Variants in PIEZO2 observed in about 807,000 individuals in gnomAD.
The protein encoded by PIEZO2 is piezo-type mechanosensitive ion channel component 2.
PIEZO2 carries 172 observed loss-of-function variants against 337.3 expected under a neutral mutation model. The observed-to-expected ratio is 0.51, with a 90% confidence interval of 0.45 to 0.58. The LOEUF (loss-of-function observed/expected upper bound fraction) is 0.58. PIEZO2 is among the 20% of genes least tolerant of loss of function. PIEZO2 has a pLI of 0.00. For synonymous variants in PIEZO2, 1,251 were observed against 1,228.5 expected, an observed-to-expected ratio of 1.02 and a Z score of -0.38; for missense variants, 3,028 against 3,391.3, an observed-to-expected ratio of 0.89 and a Z score of 2.66.
rs2031958191 is a variant in PIEZO2, at chr18:10,929,555, T to C, written c.287-18327A>G. Among the ~76,000 whole-genome samples, 1 of 152,162 alleles carries C rather than the reference T, an allele frequency of 6.6e-6. No individual in the cohort carries two copies. Among genetic ancestry groups the C allele is most frequent in the South Asian group, 2.1e-4 (1 of 4,828 alleles). On this transcript the variant is annotated intron_variant, in intron 3 of 55. Transcript: ENST00000674853. This position sits in a 1 kb window ranked among gnomAD's most constrained non-coding sequence, Gnocchi z 5.6. Reference sequence around the variant, plus strand: ...TTCAAAAAAGGAGTAGAAAATCACATCCACAGCCTTTGAGGGGCTGAGAAG... The same window carrying C: ...TTCAAAAAAGGAGTAGAAAATCACACCCACAGCCTTTGAGGGGCTGAGAAG...
In PIEZO2 at chr18:10,833,624, C is replaced by A. The variant is rs768607632; in HGVS notation, c.917+21729G>T. Reference sequence around the variant, plus strand: ...CTGTGAGGACCTCACCTCGCAGAGGCTTCCAGAGCCAAGTACAGTTCCAAT... The same window carrying A: ...CTGTGAGGACCTCACCTCGCAGAGGATTCCAGAGCCAAGTACAGTTCCAAT... On this transcript the variant is annotated intron_variant, in intron 7 of 55. Transcript: ENST00000674853. The surrounding 1 kb of genome is among the most constrained non-coding windows in gnomAD (Gnocchi z 4.7). Among the ~76,000 whole-genome samples the A allele has an allele frequency of 1.1e-4, 16 of 152,238 alleles. No homozygotes were observed. The highest frequency in any genetic ancestry group is 2.2e-4 in the Non-Finnish European group (15 of 68,040).
chr18:10,959,414 G>A (rs1461307125), intron 3 of PIEZO2, among the ~76,000 whole-genome samples: 2 of 152,120 alleles, frequency 1.3e-5, no homozygotes, highest in African/African-American at 4.8e-5. Flanking sequence ...TTTGAATGGA[G>A]AGAAATGTCA....
Position 10,746,872 on chromosome 18 carries a change from C to T in PIEZO2, c.4424+1599G>A, listed in dbSNP as rs2037444373. ...AATTGAGTGTATACTGTTTATAGAC[C>T]ACCTACTTTATGGTATTTTTGTTAT... On this transcript the variant is annotated intron_variant, in intron 30 of 55. Transcript: ENST00000674853. The surrounding 1 kb of genome is among the most constrained non-coding windows in gnomAD (Gnocchi z 4.2). Among the ~76,000 whole-genome samples the T allele has an allele frequency of 6.6e-6, 1 of 152,116 alleles. No homozygotes were observed. Among genetic ancestry groups the T allele is most frequent in the African/African-American group, 2.4e-5 (1 of 41,422 alleles).
In PIEZO2 at chr18:10,708,941, G is replaced by T. The variant is rs572287932; in HGVS notation, c.5424-502C>A. Among the ~76,000 whole-genome samples the T allele has an allele frequency of 2.7e-3, 415 of 152,146 alleles. 2 individuals are homozygous for T. Among genetic ancestry groups the T allele is most frequent in the Non-Finnish European group, 3.2e-3 (219 of 68,018 alleles). ...AACACGGTCTTCAGAATTAGAGAGG[G>T]GAAACTCAGGAATGACAACAAACTG... On this transcript the variant is annotated intron_variant, in intron 39 of 55. Transcript: ENST00000674853.
chr18:10,861,820 C>A lies in PIEZO2; in HGVS notation c.493-4609G>T, dbSNP rs572921776. On this transcript the variant is annotated intron_variant, in intron 5 of 55. Transcript: ENST00000674853. The surrounding 1 kb of genome is among the most constrained non-coding windows in gnomAD (Gnocchi z 4.3). ...ATCACCTGAGGTCAGGAGATCGAGA[C>A]CTGCCTGGACAACATGGTGAAACCT... Among the ~76,000 whole-genome samples the A allele has an allele frequency of 9.2e-5, 14 of 152,260 alleles. No homozygotes were observed. Among genetic ancestry groups the A allele is most frequent in the African/African-American group, 3.4e-4 (14 of 41,550 alleles).
In PIEZO2 at chr18:10,874,222, G is replaced by T. The variant is rs914562786; in HGVS notation, c.330-2807C>A. Among the ~76,000 whole-genome samples, 31 of 151,976 alleles carry T rather than the reference G, an allele frequency of 2.0e-4. 1 individual carries two copies. The highest frequency in any genetic ancestry group is 7.0e-4 in the African/African-American group (29 of 41,398). On this transcript the variant is annotated intron_variant, in intron 4 of 55. Coordinates refer to ENST00000674853, the MANE Select transcript of PIEZO2 (RefSeq NM_001378183.1). ...AACAGCTTATGTAAAAAAATGCTCA[G>T]CATCACTCATCATCAAGGAAATGCA...
chr18:11,097,789 C>T lies in PIEZO2; in HGVS notation c.65-31567G>A, dbSNP rs926936557. 1.3e-5 allele frequency among the ~76,000 whole-genome samples: 2 copies of T among 152,144 alleles called. No individual in the cohort carries two copies. Among genetic ancestry groups the T allele is most frequent in the Non-Finnish European group, 2.9e-5 (2 of 68,020 alleles). The stretch of plus-strand genomic sequence containing the variant: ...GTATGGTAGATATATATTCCTAAAT[C>T]AGAAAAAGTCTACCCACTGGGCTGT... On this transcript the variant is annotated intron_variant, in intron 1 of 55. Transcript: ENST00000674853. This position sits in a 1 kb window ranked among gnomAD's most constrained non-coding sequence, Gnocchi z 5.0.
intron 11 of PIEZO2, 60 bp downstream of exon 11, chr18:10,800,277 G>A (rs2039763552): frequency 6.7e-7 from 1 of 1,487,708 alleles, no homozygotes; most frequent in African/African-American, 1.4e-5. Context: ...AACAAAAAGA[G>A]AGAGGCCAAG....
intron 4 of PIEZO2, among the ~76,000 whole-genome samples, chr18:10,904,848 T>C (rs1219416937): frequency 6.6e-6 from 1 of 152,164 alleles, no homozygotes; most frequent in Non-Finnish European, 1.5e-5. Context: ...ACTCTGGAAG[T>C]TGTGGGAATT....
At chr18:10,963,921 G>A (rs2033893152) in intron 3 of PIEZO2, among the ~76,000 whole-genome samples, 1 of 152,176 alleles carries the variant, frequency 6.6e-6, no homozygotes, top group Non-Finnish European at 1.5e-5. Flanking sequence ...AGGAATGTGG[G>A]AGGGGGGAGT....
At chr18:10,955,954 A>C (rs1401847552) in intron 3 of PIEZO2, among the ~76,000 whole-genome samples, 1 of 152,240 alleles carries the variant, frequency 6.6e-6, no homozygotes, top group African/African-American at 2.4e-5. Flanking sequence ...TTAGATGATG[A>C]ATGAATAAAC....
intron 4 of PIEZO2, among the ~76,000 whole-genome samples, chr18:10,889,867 G>C (rs1370670718): frequency 6.6e-6 from 1 of 152,178 alleles, no homozygotes. Context: ...ATAGAAGAAA[G>C]AGCTCCCAAG....
chr18:10,782,220 T>G (rs1331569982), intron 17 of PIEZO2, among the ~76,000 whole-genome samples: 1 of 132,286 alleles, frequency 7.6e-6, no homozygotes, highest in Non-Finnish European at 1.5e-5. Flanking sequence ...ATTATATATA[T>G]CATAATATAT....
intron 7 of PIEZO2, among the ~76,000 whole-genome samples, chr18:10,823,416 A>G (rs976179401): frequency 6.6e-6 from 1 of 152,260 alleles, no homozygotes; most frequent in African/African-American, 2.4e-5. Flanking sequence ...AGTATTTAAA[A>G]GAATCACTAC....
chr18:10,767,983 G>A lies in PIEZO2; in HGVS notation c.2946+2165C>T, dbSNP rs58578006. Among the ~76,000 whole-genome samples the A allele has an allele frequency of 9.3e-3, 1,423 of 152,324 alleles. 26 individuals are homozygous for A. The highest frequency in any genetic ancestry group is 0.033 in the African/African-American group (1,362 of 41,576). ...AAGTCACAACATCCCCATCCCAGGG[G>A]GCCTTGCCCTGAGCCTGTGAGTCTG... On this transcript the variant is annotated intron_variant, in intron 21 of 55. Transcript: ENST00000674853. This position sits in a 1 kb window ranked among gnomAD's most constrained non-coding sequence, Gnocchi z 4.2.
At position 10,953,453 on chromosome 18, in the gene PIEZO2, C is replaced by CT. The variant is rs1270929059; in HGVS notation, c.286+26081dup. 1.3e-5 allele frequency among the ~76,000 whole-genome samples: 2 copies of CT among 151,960 alleles called. No individual in the cohort carries two copies. Among genetic ancestry groups the CT allele is most frequent in the Non-Finnish European group, 2.9e-5 (2 of 67,968 alleles). ...ATGGAGCAAATTAAGAATTTAAGTTCTTTTTTTAATATAAAAAAACACTAT... is the reference window on the plus strand; with the variant it reads ...ATGGAGCAAATTAAGAATTTAAGTTCTTTTTTTTAATATAAAAAAACACTAT... On this transcript the variant is annotated intron_variant, in intron 3 of 55. Coordinates refer to ENST00000674853, the MANE Select transcript of PIEZO2 (RefSeq NM_001378183.1). The surrounding 1 kb of genome is among the most constrained non-coding windows in gnomAD (Gnocchi z 5.2).
chr18:11,033,570 G>T lies in PIEZO2; in HGVS notation c.160+32557C>A, dbSNP rs1407520990. ...TTCCATGACACATGTTTGACTCCTG[G>T]AAAACTTCTCTGATGCTGAATGTCA... On this transcript the variant is annotated intron_variant, in intron 2 of 55. Transcript: ENST00000674853. This position sits in a 1 kb window ranked among gnomAD's most constrained non-coding sequence, Gnocchi z 4.2. 1.3e-5 allele frequency among the ~76,000 whole-genome samples: 2 copies of T among 152,146 alleles called. No individual in the cohort carries two copies. The highest frequency in any genetic ancestry group is 2.9e-5 in the Non-Finnish European group (2 of 68,020).
At chr18:10,896,385 CA>C (rs1398604984) in intron 4 of PIEZO2, among the ~76,000 whole-genome samples, 1 of 152,178 alleles carries the variant, frequency 6.6e-6, no homozygotes, top group East Asian at 1.9e-4. Context: ...CTGCAGTCTC[CA>C]TCCATTAGTG....
rs140388175 is a variant in PIEZO2, at chr18:10,859,551, T to C, written c.493-2340A>G. ...CCTGGCTCTCTCTCCTGCATCACAA[T>C]GTGCTTTCTTTCTGCTGGATCACCC... On this transcript the variant is annotated intron_variant, in intron 5 of 55. Coordinates refer to ENST00000674853, the MANE Select transcript of PIEZO2 (RefSeq NM_001378183.1). This position sits in a 1 kb window ranked among gnomAD's most constrained non-coding sequence, Gnocchi z 4.9. 2.2e-3 allele frequency among the ~76,000 whole-genome samples: 331 copies of C among 152,340 alleles called. 2 individuals are homozygous for C. Among genetic ancestry groups the C allele is most frequent in the Non-Finnish European group, 4.1e-3 (278 of 68,028 alleles).
Sources: gnomAD v4.1 joint callset for allele counts (sites outside exome capture counted in the v4.1 genomes callset) on GRCh38, gnomAD v4.1.1 for gene constraint, Gnocchi (gnomAD v3.1) non-coding constraint, MANE v1.5 for transcripts, NCBI Gene and HGNC (gene_info 2026-07-23, HGNC 2026-07-21) for gene names.